The following ATP8A2 variants were observed in gnomAD, a reference collection of about 807,000 sequenced individuals.
ATP8A2 encodes the protein ATPase phospholipid transporting 8A2, also known as phospholipid-transporting ATPase IB.
Under a neutral mutation model 165.6 loss-of-function variants are expected in ATP8A2, and 100 were observed. The observed-to-expected ratio is 0.60, with a 90% CI of 0.51 to 0.71. The LOEUF is 0.71. ATP8A2 is among the 30% of genes least tolerant of loss of function. The pLI, the probability that ATP8A2 is intolerant of heterozygous loss-of-function variation, is 0.00. For missense variants in ATP8A2, 1,227 were observed against 1,479.5 expected (o/e 0.83, Z 2.80); for synonymous variants, 543 against 548.8 (o/e 0.99, Z 0.15).
At chr13:25,709,701 C>CT (rs575202013) in intron 25 of ATP8A2, among the ~76,000 whole-genome samples, 34 of 152,062 alleles carry the variant, frequency 2.2e-4, no homozygotes, top group Non-Finnish European at 3.7e-4. Context: ...CAGATTAAGT[C>CT]TTTTTTTAAG....
At chr13:25,938,460 CTG>C (rs564394859) in intron 33 of ATP8A2, among the ~76,000 whole-genome samples, 48 of 152,364 alleles carry the variant, frequency 3.2e-4, no homozygotes, top group Non-Finnish European at 5.6e-4. Flanking sequence ...CCCGCAGTAA[CTG>C]TAAATTAACC....
chr13:25,965,504 A>C (rs559643877), intron 34 of ATP8A2, among the ~76,000 whole-genome samples: 143 of 152,332 alleles, frequency 9.4e-4, no homozygotes, highest in Non-Finnish European at 1.7e-3. Flanking sequence ...TTATTAAAAT[A>C]ATTGATTGAT....
chr13:25,717,418 T>TAAAAAA (rs55732375), intron 25 of ATP8A2, among the ~76,000 whole-genome samples: 19,986 of 94,068 alleles, frequency 0.21, 2,279 homozygotes, highest in African/African-American at 0.39. Flanking sequence ...CTGAAAAAAC[T>TAAAAAA]AAAAAAAAAA....
chr13:25,383,351 C>T (rs1189263825), intron 1 of ATP8A2, among the ~76,000 whole-genome samples: 2 of 152,186 alleles, frequency 1.3e-5, no homozygotes, highest in African/African-American at 2.4e-5. Context: ...GATCCACCCA[C>T]CTCAGCCTCC....
chr13:25,633,310 C>G (rs1019301625), intron 24 of ATP8A2, among the ~76,000 whole-genome samples: 3 of 152,058 alleles, frequency 2.0e-5, no homozygotes, highest in Non-Finnish European at 4.4e-5. Context: ...ATGCAGTGCT[C>G]GGCAGTCTGC....
intron 25 of ATP8A2, among the ~76,000 whole-genome samples, chr13:25,728,564 A>G (rs2043545024): frequency 6.6e-6 from 1 of 152,190 alleles, no homozygotes; most frequent in Non-Finnish European, 1.5e-5. Flanking sequence ...GGCAGATAAA[A>G]TGTCTCTGTC....
intron 24 of ATP8A2, among the ~76,000 whole-genome samples, chr13:25,689,741 A>G (rs897933898): frequency 1.3e-5 from 2 of 152,154 alleles, no homozygotes; most frequent in Admixed American, 1.3e-4. Flanking sequence ...CTCTGGGCAA[A>G]TGGTGTGACA....
chr13:25,847,290 A>G (rs1300218579), intron 30 of ATP8A2, among the ~76,000 whole-genome samples: 1 of 152,336 alleles, frequency 6.6e-6, no homozygotes, highest in East Asian at 1.9e-4. Flanking sequence ...TTGAAAATAT[A>G]AACAGGTTTC....
chr13:25,559,862 C>CCATCCTGTGCAA, intron 15 of ATP8A2, 97 bp downstream of exon 15: 1 of 928,244 alleles, frequency 1.1e-6, no homozygotes, highest in Non-Finnish European at 1.7e-6. Context: ...CAGCCTCACT[C>CCATCCTGTGCAA]TATTGCACAG....
rs546753075 is a variant in ATP8A2 at position 25,539,489 on chromosome 13, T to A, written c.582-830T>A. Among the ~76,000 whole-genome samples, 3 of 152,124 alleles carry A rather than the reference T, an allele frequency of 2.0e-5. No individual in the cohort carries two copies. The East Asian group carries it at 5.8e-4, about 29-fold the overall frequency. On this transcript the variant is annotated intron_variant, in intron 7 of 36. Coordinates refer to ENST00000381655, the MANE Select transcript of ATP8A2 (RefSeq NM_016529.6). ...ATGTTTCCAGCATGCTCATTATTAG[T>A]GTCTGAGTGTGTGCTGTGTGCTGAA...
intron 2 of ATP8A2, among the ~76,000 whole-genome samples, chr13:25,471,036 ACT>A (rs1263224441): frequency 6.6e-6 from 1 of 152,102 alleles, no homozygotes; most frequent in East Asian, 1.9e-4. Flanking sequence ...TGGTTGCACA[ACT>A]CTGTGAATTT....
At position 25,864,675 on chromosome 13, in the gene ATP8A2, A is replaced by T. The variant is rs996385457; in HGVS notation, c.3183+2267A>T. 3.3e-5 allele frequency among the ~76,000 whole-genome samples: 5 copies of T among 152,212 alleles called. No individual in the cohort carries two copies. The East Asian group carries it at 9.6e-4, about 29-fold the overall frequency. ...TAAAACATGTCATTTTAATCACTTTATTGGTTGGTTCCCATGAAGCAGATG... is the reference window on the plus strand; with the variant it reads ...TAAAACATGTCATTTTAATCACTTTTTTGGTTGGTTCCCATGAAGCAGATG... On this transcript the variant is annotated intron_variant, in intron 33 of 36. Coordinates refer to ENST00000381655, the MANE Select transcript of ATP8A2 (RefSeq NM_016529.6).
chr13:25,667,546 A>G (rs1269690280), intron 24 of ATP8A2, among the ~76,000 whole-genome samples: 1 of 152,024 alleles, frequency 6.6e-6, no homozygotes, highest in Non-Finnish European at 1.5e-5. Context: ...CCCACTCTCC[A>G]TCTCATGTTG....
intron 1 of ATP8A2, among the ~76,000 whole-genome samples, chr13:25,374,324 C>G (rs1453723139): frequency 1.3e-5 from 2 of 152,146 alleles, no homozygotes; most frequent in Non-Finnish European, 2.9e-5. Context: ...GTTAACATAT[C>G]ATTGTGGGGA....
At chr13:25,429,400 A>G (rs1171621041) in intron 1 of ATP8A2, among the ~76,000 whole-genome samples, 2 of 149,434 alleles carry the variant, frequency 1.3e-5, no homozygotes, top group Admixed American at 6.7e-5. Context: ...AAAAAAAAAA[A>G]GAAGTAATCT....
At chr13:25,977,701 A>G (rs1956087723) in intron 35 of ATP8A2, among the ~76,000 whole-genome samples, 1 of 152,208 alleles carries the variant, frequency 6.6e-6, no homozygotes, top group Non-Finnish European at 1.5e-5. Flanking sequence ...TTTAAATTAA[A>G]TACCAGATGT....
chr13:25,855,393 G>A (rs1952133109), intron 30 of ATP8A2, among the ~76,000 whole-genome samples: 1 of 152,108 alleles, frequency 6.6e-6, no homozygotes. Flanking sequence ...TTGGTGTCTG[G>A]CTTCTTCACT....
At chr13:25,584,339 C>T (rs1374517006) in intron 23 of ATP8A2, among the ~76,000 whole-genome samples, 1 of 152,150 alleles carries the variant, frequency 6.6e-6, no homozygotes, top group Non-Finnish European at 1.5e-5. Context: ...GTTTCTAAGC[C>T]TGTTTTCTAG....
intron 24 of ATP8A2, among the ~76,000 whole-genome samples, chr13:25,682,477 T>C (rs1235875812): frequency 6.6e-6 from 1 of 152,210 alleles, no homozygotes; most frequent in African/African-American, 2.4e-5. Flanking sequence ...TCATCTGTCA[T>C]GAAGACTCTT....
Sources: allele counts gnomAD v4.1 joint callset (sites outside exome capture counted in the v4.1 genomes callset), GRCh38; gene constraint gnomAD v4.1.1; transcripts MANE v1.5; gene names NCBI Gene and HGNC (gene_info 2026-07-23, HGNC 2026-07-21).